Variants in SPRY3 observed in about 807,000 individuals in gnomAD.
The protein encoded by SPRY3 is protein sprouty homolog 3.
SPRY3 carries 15 observed loss-of-function variants against 20.2 expected under a neutral mutation model. The ratio of observed to expected loss-of-function variants is 0.74; its 90% CI spans 0.50 to 1.14. SPRY3 has a LOEUF of 1.14. SPRY3 is among the 50% of genes most tolerant of loss of function. The pLI is 0.00. For synonymous variants in SPRY3, 143 were observed against 136.5 expected (o/e 1.05, Z -0.33); for missense variants, 364 against 363.9 (o/e 1.00, Z 0.00).
chrX:155,638,817 A>C (rs782151244), intron 1 of SPRY3, among the ~76,000 whole-genome samples: 79 of 111,711 alleles, frequency 7.1e-4, no homozygotes, highest in Non-Finnish European at 5.3e-4. Flanking sequence ...TATGGACTAC[A>C]TTAATGAAAT....
chrX:155,678,935 A>AG lies in SPRY3; in HGVS notation c.-282+21912dup, dbSNP rs1181674513. ...TATTTTTGAGCTCCTACTCTGTACC[A>AG]GGCACCTTCATGTCTTAAGAATAAC... On this transcript the variant is annotated intron_variant, in intron 2 of 3. Transcript: ENST00000675360. Among the ~76,000 whole-genome samples the AG allele has an allele frequency of 3.8e-4, 42 of 111,862 alleles. 1 individual carries two copies. The highest frequency in any genetic ancestry group is 1.9e-5 in the Non-Finnish European group (1 of 53,227).
At chrX:155,763,978 A>G (rs2091314566) in intron 2 of SPRY3, among the ~76,000 whole-genome samples, 1 of 152,238 alleles carries the variant, frequency 6.6e-6, no homozygotes, top group Non-Finnish European at 1.5e-5. Context: ...AGAGGTTTCT[A>G]AAACAGACTT....
At chrX:155,676,457 T>C (rs1029436030) in intron 2 of SPRY3, among the ~76,000 whole-genome samples, 1 of 111,235 alleles carries the variant, frequency 9.0e-6, no homozygotes, top group Non-Finnish European at 1.9e-5. Context: ...CTGTTATGAT[T>C]TTTGGCAAGT....
chrX:155,694,140 T>C (rs1451113578), intron 2 of SPRY3, among the ~76,000 whole-genome samples: 1 of 112,491 alleles, frequency 8.9e-6, no homozygotes, highest in Non-Finnish European at 1.9e-5. Context: ...TTTTATGTCA[T>C]TGGACCTAGC....
At chrX:155,758,471 C>T (rs755711984) in intron 2 of SPRY3, among the ~76,000 whole-genome samples, 82 of 152,314 alleles carry the variant, frequency 5.4e-4, no homozygotes, top group African/African-American at 2.0e-3. Flanking sequence ...TCCCCATAGG[C>T]TTTTCAGTTA....
intron 1 of SPRY3, among the ~76,000 whole-genome samples, chrX:155,618,805 CAT>C (rs1454966500): frequency 1.8e-5 from 2 of 111,617 alleles, no homozygotes; most frequent in Non-Finnish European, 3.8e-5. Flanking sequence ...TGATATTGAA[CAT>C]ATTTTCATGT....
intron 2 of SPRY3, among the ~76,000 whole-genome samples, chrX:155,735,283 G>T (rs2091160555): frequency 6.6e-6 from 1 of 151,882 alleles, no homozygotes; most frequent in African/African-American, 2.4e-5. Context: ...GATTTATCTT[G>T]ATAAATGTTC....
At chrX:155,729,205 A>C (rs1050526959) in intron 2 of SPRY3, among the ~76,000 whole-genome samples, 1 of 152,196 alleles carries the variant, frequency 6.6e-6, no homozygotes, top group African/African-American at 2.4e-5. Flanking sequence ...ACTATAAACT[A>C]AATGAATATA....
chrX:155,773,309 T>TATATATAC (rs1005082299), intron 3 of SPRY3, among the ~76,000 whole-genome samples: 4 of 134,138 alleles, frequency 3.0e-5, no homozygotes, highest in Non-Finnish European at 6.4e-5. Context: ...TTTGATTGGA[T>TATATATAC]ATATATATAT....
exon 4 of SPRY3, chrX:155,774,791 A>G (rs1476672480): frequency 6.5e-7 from 1 of 1,546,342 alleles, no homozygotes; most frequent in African/African-American, 1.4e-5. Flanking sequence ...CCAACAGCAA[A>G]GCATAGGCCT....
chrX:155,697,418 C>A (rs763759192), intron 2 of SPRY3, among the ~76,000 whole-genome samples: 79 of 108,955 alleles, frequency 7.3e-4, no homozygotes, highest in Non-Finnish European at 1.1e-3. Context: ...TTCTGGATAT[C>A]CAGCTTGCAA....
intron 2 of SPRY3, among the ~76,000 whole-genome samples, chrX:155,679,106 T>C (rs956158376): frequency 9.0e-6 from 1 of 111,028 alleles, no homozygotes; most frequent in Non-Finnish European, 1.9e-5. Flanking sequence ...AAATGATGAG[T>C]TGATGGGTGC....
chrX:155,767,681 A>AGGAGTAGGAGG (rs2091343208), intron 2 of SPRY3: 1 of 140,412 alleles, frequency 7.1e-6, no homozygotes, highest in Non-Finnish European at 1.5e-5. Context: ...GGGGAGGAGA[A>AGGAGTAGGAGG]AGAGGCGGAG....
Position 155,707,707 on chromosome X carries a change from T to C in SPRY3, c.-282+50682T>C, listed in dbSNP as rs781406175. 9.9e-5 allele frequency among the ~76,000 whole-genome samples: 15 copies of C among 151,368 alleles called. 1 individual carries two copies. In the South Asian group the frequency reaches 2.5e-3, roughly 25 times the overall value. ...TCTAATACTCTTTCTTGTCTTAAAG[T>C]CTATGTACTCATATCAATATAGCCA... is the stretch of plus-strand genomic sequence containing the variant. On this transcript the variant is annotated intron_variant, in intron 2 of 3. Transcript: ENST00000675360.
intron 2 of SPRY3, among the ~76,000 whole-genome samples, chrX:155,698,954 A>C (rs2068127482): frequency 8.9e-6 from 1 of 112,264 alleles, no homozygotes; most frequent in Non-Finnish European, 1.9e-5. Flanking sequence ...CTAACATCAT[A>C]ATAATGAAAG....
At chrX:155,736,056 C>T (rs1217571542) in intron 2 of SPRY3, among the ~76,000 whole-genome samples, 1 of 151,828 alleles carries the variant, frequency 6.6e-6, no homozygotes, top group African/African-American at 2.4e-5. Flanking sequence ...TCAAATAACA[C>T]CATACTGGTT....
chrX:155,638,529 C>G (rs5983753), intron 1 of SPRY3, among the ~76,000 whole-genome samples: 5 of 106,286 alleles, frequency 4.7e-5, no homozygotes, highest in East Asian at 5.9e-4. Flanking sequence ...CACTATACAT[C>G]AAGTCCTAAT....
chrX:155,646,460 C>A (rs1451342294), intron 1 of SPRY3, among the ~76,000 whole-genome samples: 1 of 111,701 alleles, frequency 9.0e-6, no homozygotes, highest in Admixed American at 9.5e-5. Context: ...TTATTTCTTT[C>A]AACAATGTTT....
intron 2 of SPRY3, among the ~76,000 whole-genome samples, chrX:155,718,992 A>C (rs191148439): frequency 6.6e-6 from 1 of 152,324 alleles, no homozygotes; most frequent in African/African-American, 2.4e-5. Flanking sequence ...AAGCACCTTC[A>C]TAAGAACCAA....
Sources: allele counts gnomAD v4.1 joint callset (sites outside exome capture counted in the v4.1 genomes callset), GRCh38; gene constraint gnomAD v4.1.1; transcripts MANE v1.5; gene names NCBI Gene and HGNC (gene_info 2026-07-23, HGNC 2026-07-21).